Variants in HROB observed in about 807,000 individuals in gnomAD.
HROB encodes homologous recombination OB-fold protein.
In HROB, 44 loss-of-function variants were observed where a neutral mutation model predicts 61.0. The ratio of observed to expected loss-of-function variants is 0.72; its 90% CI spans 0.57 to 0.93. HROB has a LOEUF of 0.93. Ranked by LOEUF, HROB falls within the 40% of genes least tolerant of loss-of-function variation. The probability of loss-of-function intolerance (pLI) is 0.00; values close to 1 mark genes in which losing one functional copy is unlikely to be tolerated. For missense variants in HROB, 716 were observed against 796.2 expected (o/e 0.90, Z 1.21); for synonymous variants, 301 against 310.4 (o/e 0.97, Z 0.32).
chr17:44,147,048 T>TGTGA (rs141060194), intron 2 of HROB, among the ~76,000 whole-genome samples: 50,960 of 148,936 alleles, frequency 0.34, 9,390 homozygotes, highest in East Asian at 0.69. Context: ...TGTGTGTGTG[T>TGTGA]GAGAGAGAGA....
chr17:44,157,879 G>T lies in HROB; in HGVS notation c.1817G>T (p.Gly606Val). 6.2e-7 allele frequency: 1 copy of T among 1,613,774 alleles called. No individual in the cohort carries two copies. The highest frequency in any genetic ancestry group is 8.5e-7 in the Non-Finnish European group (1 of 1,179,828). The stretch of plus-strand genomic sequence containing the variant: ...GATGTGGCTGCAAAGCCCGAGGAAG[G>T]CTTCAGAACAGCACAGAACCTAGAG... ...QHDVAAKPEE[G>V]FRTAQNLEAE... The change falls in exon 9 of 10, where the codon GGC becomes GTC. Residue 606 changes from glycine (G) to valine (V), a missense_variant. Transcript: ENST00000585683.
At chr17:44,142,339 C>T (rs1395317337) in intron 1 of HROB, among the ~76,000 whole-genome samples, 194 bp downstream of exon 1, 3 of 152,140 alleles carry the variant, frequency 2.0e-5, no homozygotes, top group Non-Finnish European at 2.9e-5. Context: ...AAAGCATTCT[C>T]CTCCCCCGGG....
rs767528407 is a variant in HROB at position 44,148,548 on chromosome 17, G to T, written c.745G>T (p.Gly249Cys). The change falls in exon 3 of 10, where the codon GGT (glycine) becomes TGT (cysteine). Residue 249 changes from glycine (G) to cysteine (C), a missense_variant. By Grantham distance (159) the Gly-to-Cys change is radical. Transcript: ENST00000585683. ...ACCCCCCTTGAGACCTGGTGCTGTG[G>T]GTCACCTTCCTGTTCCAACTGCCTT... ...PRPPLRPGAV[G>C]HLPVPTALTV... The T allele has an allele frequency of 1.9e-6, 3 of 1,613,886 alleles. No individual in the cohort carries two copies. The African/African-American group carries it at 4.0e-5, about 22-fold the overall frequency.
chr17:44,142,187 C>T, intron 1 of HROB, 42 bp downstream of exon 1: 1 of 1,490,562 alleles, frequency 6.7e-7, no homozygotes, highest in South Asian at 1.3e-5. Flanking sequence ...GCCGCAGGGC[C>T]CCCTGGCCTC....
At chr17:44,143,591 C>T (rs1269532806) in intron 1 of HROB, among the ~76,000 whole-genome samples, 1 of 151,766 alleles carries the variant, frequency 6.6e-6, no homozygotes, top group Non-Finnish European at 1.5e-5. Context: ...TTGCAGTGAG[C>T]CAAAATCGTG....
intron 4 of HROB, among the ~76,000 whole-genome samples, chr17:44,152,168 C>T (rs1296931830): frequency 5.9e-5 from 9 of 151,490 alleles, no homozygotes; most frequent in African/African-American, 9.7e-5. Flanking sequence ...TTAGTAGAGA[C>T]GAGGTTTCAC....
At chr17:44,149,172 A>G in intron 3 of HROB, 145 bp downstream of exon 3, 2 of 864,430 alleles carry the variant, frequency 2.3e-6, no homozygotes, top group South Asian at 1.8e-5. Flanking sequence ...GAGAAATAAA[A>G]GGGAAGAACT....
chr17:44,146,587 C>G (rs1316692477), intron 2 of HROB, among the ~76,000 whole-genome samples: 1 of 152,114 alleles, frequency 6.6e-6, no homozygotes, highest in Admixed American at 6.5e-5. Flanking sequence ...GTCCCTTCCC[C>G]CTTCCTAAAG....
In HROB at chr17:44,148,163, A is replaced by C. The variant is rs920899420; in HGVS notation, c.360A>C (p.Thr120=). 6.2e-7 allele frequency: 1 copy of C among 1,614,234 alleles called. No individual in the cohort carries two copies. The highest frequency in any genetic ancestry group is 8.5e-7 in the Non-Finnish European group (1 of 1,180,044). ...WIGNQRRVTV[T]EVLRETARPQ... Reference sequence around the variant, plus strand: ...GCAATCAGAGAAGAGTGACAGTGACAGAAGTGCTCAGAGAGACAGCAAGAC... The same window carrying C: ...GCAATCAGAGAAGAGTGACAGTGACCGAAGTGCTCAGAGAGACAGCAAGAC... The change falls in exon 3 of 10, where the codon ACA becomes ACC. Residue 120 remains threonine, a synonymous_variant. Coordinates refer to ENST00000585683, the MANE Select transcript of HROB (RefSeq NM_001171251.3).
At position 44,148,381 on chromosome 17, in the gene HROB, G is replaced by T. The variant is rs779105010; in HGVS notation, c.578G>T (p.Gly193Val). The change falls in exon 3 of 10, where the codon GGT becomes GTT. Residue 193 changes from glycine to valine, a missense_variant. Gly to Val is a moderately radical substitution (Grantham distance 109). Coordinates refer to ENST00000585683, the MANE Select transcript of HROB (RefSeq NM_001171251.3). ...ATCCTGCCTGCCCAGCAGCGGGAGG[G>T]TTCAGTATTGGCTAAAAAAGCCCGG... is the stretch of plus-strand genomic sequence containing the variant. ...IPILPAQQRE[G>V]SVLAKKARVV... is the part of the protein sequence containing the mutation. The T allele has an allele frequency of 6.2e-7, 1 of 1,614,116 alleles. No individual in the cohort carries two copies. The highest frequency in any genetic ancestry group is 8.5e-7 in the Non-Finnish European group (1 of 1,179,992).
At chr17:44,150,797 T>C (rs1427851928) in intron 3 of HROB, among the ~76,000 whole-genome samples, 164 bp from the exon 4 acceptor site, 1 of 152,208 alleles carries the variant, frequency 6.6e-6, no homozygotes, top group East Asian at 1.9e-4. Context: ...AGTATCTTTT[T>C]TGAGCTGCCA....
chr17:44,154,426 C>T, intron 5 of HROB, 130 bp from the exon 6 acceptor site: 1 of 808,422 alleles, frequency 1.2e-6, no homozygotes, highest in Non-Finnish European at 2.1e-6. Flanking sequence ...TCCTTGTCCT[C>T]CACAAAGAAG....
rs1177930564 is a variant in HROB at position 44,148,346 on chromosome 17, G to A, written c.543G>A (p.Glu181=). 1.9e-6 allele frequency: 3 copies of A among 1,614,168 alleles called. No homozygotes were observed. Among genetic ancestry groups the A allele is most frequent in the African/African-American group, 1.3e-5 (1 of 75,024 alleles). Residue 181 remains glutamate, a synonymous_variant, in exon 3 of 10, where the codon GAG becomes GAA. Transcript: ENST00000585683. ...GMELECGVSS[E]AIPILPAQQR... ...AGCTGGAATGTGGAGTCAGCAGTGAGGCCATACCAATCCTGCCTGCCCAGC... is the reference window on the plus strand; with the variant it reads ...AGCTGGAATGTGGAGTCAGCAGTGAAGCCATACCAATCCTGCCTGCCCAGC...
At chr17:44,159,309 C>T (rs1452357894) in intron 9 of HROB, among the ~76,000 whole-genome samples, 2 of 152,084 alleles carry the variant, frequency 1.3e-5, no homozygotes, top group Non-Finnish European at 2.9e-5. Context: ...GTTTTTAGTA[C>T]TAATTTCTGT....
At chr17:44,156,824 G>A (rs188786658) in intron 8 of HROB, among the ~76,000 whole-genome samples, 22 of 151,924 alleles carry the variant, frequency 1.4e-4, no homozygotes, top group Admixed American at 7.2e-4. Flanking sequence ...CACCACACTC[G>A]GCTACTTTTT....
intron 9 of HROB, among the ~76,000 whole-genome samples, chr17:44,158,476 C>G (rs1275399008): frequency 2.0e-5 from 3 of 152,084 alleles, no homozygotes; most frequent in African/African-American, 7.2e-5. Flanking sequence ...CTAGTTTTAG[C>G]TTTTTTTACT....
At position 44,147,841 on chromosome 17, in the gene HROB, TC is replaced by T. The variant is rs2053657553; in HGVS notation, c.55-16del. 1.2e-6 allele frequency: 2 copies of T among 1,601,502 alleles called. No homozygotes were observed. The highest frequency in any genetic ancestry group is 1.7e-6 in the Non-Finnish European group (2 of 1,170,578). The stretch of plus-strand genomic sequence containing the variant: ...GATTTCCAGATGCCAAGACCTACCA[TC>T]TCTGCTTCCTTGTAGGATTTCTTGT... On this transcript the variant is annotated splice_polypyrimidine_tract_variant and intron_variant, in intron 2 of 9. Transcript: ENST00000585683.
chr17:44,142,041 C>T lies in HROB; in HGVS notation c.-102C>T, dbSNP rs1298282708. On this transcript the variant is annotated 5_prime_UTR_variant, in exon 1 of 10. Transcript: ENST00000585683. ...ACCCCAGCCCGGAAGCACTGTCCCT[C>T]GGAGTCCGAGACTTCCACCTGGGTC... 1.2e-5 allele frequency: 17 copies of T among 1,448,366 alleles called. No individual in the cohort carries two copies. The highest frequency in any genetic ancestry group is 2.0e-5 in the Admixed American group (1 of 49,414). The allele number at this position is 1,448,366 out of a possible 1,614,324, so 89.7% of individuals were successfully genotyped here.
chr17:44,160,882 T>C (rs2054117831), intron 9 of HROB, among the ~76,000 whole-genome samples: 1 of 152,104 alleles, frequency 6.6e-6, no homozygotes. Flanking sequence ...AGGTTGCTGG[T>C]AGTGACAGAG....
Sources: allele counts gnomAD v4.1 joint callset (sites outside exome capture counted in the v4.1 genomes callset), GRCh38; gene constraint gnomAD v4.1.1; transcripts MANE v1.5; gene names NCBI Gene and HGNC (gene_info 2026-07-23, HGNC 2026-07-21).